Variants in RTTN observed in about 807,000 individuals in gnomAD.
The protein encoded by RTTN is rotatin.
A neutral mutation model predicts 269.2 loss-of-function variants in RTTN; 182 were observed. The ratio of observed to expected loss-of-function variants is 0.68; its 90% CI spans 0.60 to 0.76. The LOEUF (loss-of-function observed/expected upper bound fraction) is 0.76. Among genes scored for constraint, RTTN ranks in the 30% least tolerant of loss-of-function variants. The pLI is 0.00. For missense variants in RTTN, 2,545 were observed against 2,608.6 expected (o/e 0.98, Z 0.53); for synonymous variants, 1,006 against 963.5 (o/e 1.04, Z -0.82).
At chr18:70,157,395 T>A (rs906729174) in intron 14 of RTTN, among the ~76,000 whole-genome samples, 3 of 152,190 alleles carry the variant, frequency 2.0e-5, no homozygotes. Context: ...ACCAAGCCAA[T>A]TGACTAATCC....
At chr18:70,005,440 C>A in intron 47 of RTTN, 173 bp from the exon 48 acceptor site, 2 of 438,722 alleles carry the variant, frequency 4.6e-6, no homozygotes, top group South Asian at 1.2e-4. Flanking sequence ...TCCCCTTGCA[C>A]ATTCTGAAGT....
At chr18:70,139,359 A>G (rs546571659) in intron 21 of RTTN, among the ~76,000 whole-genome samples, 1 of 152,336 alleles carries the variant, frequency 6.6e-6, no homozygotes, top group East Asian at 1.9e-4. Flanking sequence ...CATCTACATC[A>G]AGGCACAAAG....
chr18:70,202,631 G>A (rs770526092), intron 3 of RTTN, among the ~76,000 whole-genome samples: 1 of 152,140 alleles, frequency 6.6e-6, no homozygotes, highest in Non-Finnish European at 1.5e-5. Flanking sequence ...TGATGTCTTC[G>A]AAACTGTAAA....
rs776259891 is a variant in RTTN at position 70,088,097 on chromosome 18, C to T, written c.4194G>A (p.Thr1398=). Residue 1398 remains threonine, a synonymous_variant, in exon 31 of 49, where the codon ACG becomes ACA. Coordinates refer to ENST00000640769, the MANE Select transcript of RTTN (RefSeq NM_173630.4). ...AACTGTTTGCTAAGGCCACACAGCC[C>T]GTTTCAAGGGTGGTCAGTGCTGATC... ...GLGSALTTLE[T]GCVALANSCQ... 14 of 1,613,760 alleles carry T rather than the reference C, an allele frequency of 8.7e-6. No individual in the cohort carries two copies. The highest frequency in any genetic ancestry group is 4.0e-5 in the African/African-American group (3 of 74,904).
chr18:70,010,281 T>C (rs2056329936), intron 46 of RTTN, among the ~76,000 whole-genome samples: 1 of 152,202 alleles, frequency 6.6e-6, no homozygotes, highest in South Asian at 2.1e-4. Context: ...CAACAGAGTA[T>C]ACATTCTTCT....
At chr18:70,028,174 A>G (rs1487376245) in intron 43 of RTTN, among the ~76,000 whole-genome samples, 1 of 152,224 alleles carries the variant, frequency 6.6e-6, no homozygotes, top group Non-Finnish European at 1.5e-5. Context: ...TAGTACTGAT[A>G]CAATGGTTTA....
intron 12 of RTTN, among the ~76,000 whole-genome samples, chr18:70,167,915 G>A (rs1261597778): frequency 1.3e-5 from 2 of 152,118 alleles, no homozygotes; most frequent in African/African-American, 4.8e-5. Flanking sequence ...GGGAGGCCAA[G>A]GTGGGAGGAC....
At chr18:70,082,846 C>A (rs2145149435) in intron 32 of RTTN, among the ~76,000 whole-genome samples, 1 of 151,986 alleles carries the variant, frequency 6.6e-6, no homozygotes, top group South Asian at 2.1e-4. Context: ...TGCATGCCAC[C>A]ATTCCAGGCC....
rs549796465 is a variant in RTTN at position 70,089,108 on chromosome 18, G to A, written c.4144-961C>T. ...TCTTTTATATTTTCAATCTATACTC[G>A]AACAAATTTGATTGAAAATGAGGGT... On this transcript the variant is annotated intron_variant, in intron 30 of 48. Transcript: ENST00000640769. Among the ~76,000 whole-genome samples the A allele has an allele frequency of 2.5e-4, 38 of 151,868 alleles. 1 individual carries two copies. Among genetic ancestry groups the A allele is most frequent in the Admixed American group, 1.2e-3 (19 of 15,248 alleles).
At position 70,127,521 on chromosome 18, in the gene RTTN, A is replaced by T. The variant is rs755665476; in HGVS notation, c.3364T>A (p.Trp1122Arg). 3.1e-6 allele frequency: 5 copies of T among 1,613,312 alleles called. No homozygotes were observed. In the East Asian group the frequency reaches 1.1e-4, roughly 36 times the overall value. Residue 1122 changes from tryptophan to arginine, a missense_variant, in exon 25 of 49, where the codon TGG (tryptophan) becomes AGG (arginine). By Grantham distance (101) the Trp-to-Arg change is moderately radical (BLOSUM62 -3). Coordinates refer to ENST00000640769, the MANE Select transcript of RTTN (RefSeq NM_173630.4). ...PCGVTLKSLAWHTALNRFLQV... is the reference protein window; with the variant it reads ...PCGVTLKSLARHTALNRFLQV... ...ACTGACCTGTTTAGTGCGGTGTGCC[A>T]AGCCAAGGACTTCAAGGTAACCCCA...
intron 34 of RTTN, among the ~76,000 whole-genome samples, chr18:70,072,723 C>T (rs545252978): frequency 1.3e-5 from 2 of 152,200 alleles, no homozygotes; most frequent in South Asian, 4.1e-4. Flanking sequence ...GCCCTTTTGA[C>T]AAATAGGCTA....
At chr18:70,176,631 A>G (rs1363551642) in intron 11 of RTTN, 44 bp downstream of exon 11, 1 of 1,539,346 alleles carries the variant, frequency 6.5e-7, no homozygotes, top group Non-Finnish European at 8.8e-7. Context: ...GCATTTATTT[A>G]TAATAGTCTG....
At chr18:70,154,104 G>C (rs558483015) in intron 14 of RTTN, among the ~76,000 whole-genome samples, 2 of 151,890 alleles carry the variant, frequency 1.3e-5, no homozygotes, top group African/African-American at 2.4e-5. Flanking sequence ...ATGACACTTG[G>C]TTATAAAAAC....
intron 4 of RTTN, among the ~76,000 whole-genome samples, chr18:70,201,186 G>C (rs1024213342): frequency 6.6e-6 from 1 of 152,182 alleles, no homozygotes; most frequent in African/African-American, 2.4e-5. Flanking sequence ...GGGTGGTGAG[G>C]AAATGGGAAA....
intron 34 of RTTN, 86 bp from the exon 35 acceptor site, chr18:70,066,008 C>CCTCCTTGTTT: frequency 1.2e-6 from 1 of 848,430 alleles, no homozygotes; most frequent in Non-Finnish European, 1.7e-6. Flanking sequence ...TATCCTTAAA[C>CCTCCTTGTTT]AAGGAGGTTT....
At position 70,017,548 on chromosome 18, in the gene RTTN, T is replaced by G. The variant is rs2056577613; in HGVS notation, c.6280A>C (p.Met2094Leu). 6.2e-7 allele frequency: 1 copy of G among 1,614,058 alleles called. No homozygotes were observed. The highest frequency in any genetic ancestry group is 1.3e-5 in the African/African-American group (1 of 75,054). ...AGACAGCCATCAAGCCTCAGAATCA[T>G]TTGTTGCCCATCTTCTCCAGATGAT... ...NISSGEDGQQ[M>L]ILRLDGCLDL... Residue 2094 changes from methionine to leucine, a missense_variant, in exon 46 of 49, where the codon ATG (methionine) becomes CTG (leucine). Physicochemically the swap from Met to Leu is conservative, Grantham distance 15. Coordinates refer to ENST00000640769, the MANE Select transcript of RTTN (RefSeq NM_173630.4).
chr18:70,118,452 C>T (rs566463055), intron 26 of RTTN, among the ~76,000 whole-genome samples: 9 of 151,906 alleles, frequency 5.9e-5, no homozygotes, highest in African/African-American at 2.2e-4. Flanking sequence ...AATGCAAAGT[C>T]TTTCACCAAA....
intron 40 of RTTN, among the ~76,000 whole-genome samples, chr18:70,036,152 T>TA (rs1365888250): frequency 6.6e-6 from 1 of 152,004 alleles, no homozygotes; most frequent in Non-Finnish European, 1.5e-5. Flanking sequence ...CTCAACAAGC[T>TA]AAAAAAAGGA....
chr18:70,079,127 A>G (rs1488151773), intron 32 of RTTN, among the ~76,000 whole-genome samples: 3 of 152,136 alleles, frequency 2.0e-5, no homozygotes, highest in African/African-American at 7.2e-5. Context: ...CTGAAGAATT[A>G]AAATCAGAGG....
Sources: gnomAD v4.1 joint callset for allele counts (sites outside exome capture counted in the v4.1 genomes callset) on GRCh38, gnomAD v4.1.1 for gene constraint, MANE v1.5 for transcripts, NCBI Gene and HGNC (gene_info 2026-07-23, HGNC 2026-07-21) for gene names.